TMC5: variants seen among roughly 807,000 people sequenced by gnomAD.
TMC5 encodes transmembrane channel like 5.
In TMC5, 86 loss-of-function variants were observed where a neutral mutation model predicts 110.5. The observed-to-expected ratio is 0.78, with a 90% CI of 0.65 to 0.93. The LOEUF is 0.93. TMC5 is among the 40% of genes least tolerant of loss of function. The pLI is 0.00. For missense variants in TMC5, 1,144 were observed against 1,222.8 expected (o/e 0.94, Z 0.96); for synonymous variants, 455 against 439.5 (o/e 1.04, Z -0.44).
chr16:19,431,006 G>A (rs1365587311), intron 2 of TMC5, among the ~76,000 whole-genome samples: 1 of 151,710 alleles, frequency 6.6e-6, no homozygotes, highest in African/African-American at 2.4e-5. Context: ...TTACAGGCAC[G>A]CGCCACAACA....
intron 13 of TMC5, 147 bp from the exon 14 acceptor site, chr16:19,479,284 G>C: frequency 1.4e-6 from 1 of 714,418 alleles, no homozygotes; most frequent in South Asian, 1.6e-5. Context: ...CATTTTTTCA[G>C]AGTGGGTCTA....
rs535903793 is a variant in TMC5, at chr16:19,462,134, C to A, written c.1149-1146C>A. Among the ~76,000 whole-genome samples the A allele has an allele frequency of 3.5e-4, 54 of 152,282 alleles. 2 individuals carry two copies. The South Asian group carries it at 0.011, about 32-fold the overall frequency. On this transcript the variant is annotated intron_variant, in intron 6 of 21. Coordinates refer to ENST00000542583, the MANE Select transcript of TMC5 (RefSeq NM_001261841.2). Reference sequence around the variant, plus strand: ...GACTGTGTCTTTCTGAAAACACTTCCATTTTGAACTCTGTATGGCTGCCTC... The same window carrying A: ...GACTGTGTCTTTCTGAAAACACTTCAATTTTGAACTCTGTATGGCTGCCTC...
chr16:19,449,210 T>A (rs1398980128), intron 4 of TMC5, among the ~76,000 whole-genome samples: 1 of 152,132 alleles, frequency 6.6e-6, no homozygotes, highest in African/African-American at 2.4e-5. Context: ...GGTCTTGAAC[T>A]TTTGGGCTCA....
At chr16:19,444,513 T>A (rs905288216) in intron 4 of TMC5, among the ~76,000 whole-genome samples, 2 of 152,132 alleles carry the variant, frequency 1.3e-5, no homozygotes, top group African/African-American at 4.8e-5. Context: ...TTGGTGAAGC[T>A]CAGTCCATGG....
chr16:19,451,947 C>T (rs1207778279), intron 5 of TMC5, among the ~76,000 whole-genome samples: 2 of 152,092 alleles, frequency 1.3e-5, no homozygotes, highest in East Asian at 3.9e-4. Flanking sequence ...TACAGGCATG[C>T]GCCACCACAC....
chr16:19,471,770 T>C (rs973536288), intron 10 of TMC5, among the ~76,000 whole-genome samples: 12 of 152,094 alleles, frequency 7.9e-5, no homozygotes, highest in African/African-American at 2.9e-4. Flanking sequence ...ATTTATTTAT[T>C]TGTTGTTTGA....
chr16:19,420,549 T>C (rs1966961423), intron 1 of TMC5, among the ~76,000 whole-genome samples: 1 of 152,104 alleles, frequency 6.6e-6, no homozygotes, highest in East Asian at 1.9e-4. Flanking sequence ...CAGCCTCAAC[T>C]CCCTTGTTTC....
At chr16:19,473,345 C>CAAAAAAAAAAAAAAAAAAAAA (rs35872301) in intron 11 of TMC5, among the ~76,000 whole-genome samples, 1 of 20,240 alleles carries the variant, frequency 4.9e-5, no homozygotes, top group Non-Finnish European at 1.3e-4. Context: ...GACTCCGGCT[C>CAAAAAAAAAAAAAAAAAAAAA]AAAAAAAAAA....
At chr16:19,475,706 T>G (rs1035178788) in intron 12 of TMC5, among the ~76,000 whole-genome samples, 7 of 152,144 alleles carry the variant, frequency 4.6e-5, no homozygotes, top group Non-Finnish European at 1.0e-4. Context: ...TTTTGCGTTC[T>G]TCAAACATCA....
chr16:19,470,507 TG>T (rs1968309886), intron 10 of TMC5, among the ~76,000 whole-genome samples: 1 of 152,068 alleles, frequency 6.6e-6, no homozygotes, highest in African/African-American at 2.4e-5. Context: ...CAGAGAAATC[TG>T]GCCCCTCAGG....
At chr16:19,471,792 A>C (rs1427522761) in intron 10 of TMC5, among the ~76,000 whole-genome samples, 1 of 151,532 alleles carries the variant, frequency 6.6e-6, no homozygotes, top group East Asian at 1.9e-4. Context: ...ACAGAGTCTC[A>C]CTCTGTCGCC....
intron 15 of TMC5, among the ~76,000 whole-genome samples, chr16:19,483,638 C>T (rs569312139): frequency 3.0e-4 from 45 of 152,028 alleles, no homozygotes; most frequent in African/African-American, 9.4e-4. Flanking sequence ...ATTAGCCAGG[C>T]GTGGTGGTGC....
chr16:19,462,549 G>T (rs765742665), intron 6 of TMC5: 6 of 702,032 alleles, frequency 8.5e-6, no homozygotes, highest in East Asian at 2.7e-5. Context: ...AAGAGCAAAG[G>T]CACATCTTAC....
intron 13 of TMC5, 33 bp from the exon 14 acceptor site, chr16:19,479,398 C>G: frequency 6.6e-7 from 1 of 1,520,370 alleles, no homozygotes; most frequent in Non-Finnish European, 9.1e-7. Flanking sequence ...GCCACAGCCC[C>G]TTCCCACATC....
intron 19 of TMC5, among the ~76,000 whole-genome samples, chr16:19,493,466 T>TCTCTCTTTC (rs563230178): frequency 0.016 from 1,986 of 124,468 alleles, 53 homozygotes; most frequent in African/African-American, 0.07. Context: ...TCTCTCTCTC[T>TCTCTCTTTC]TTTTTTTTTT....
Position 19,476,056 on chromosome 16 carries a change from T to C in TMC5, c.2091-1384T>C, listed in dbSNP as rs955239028. On this transcript the variant is annotated intron_variant, in intron 12 of 21. Coordinates refer to ENST00000542583, the MANE Select transcript of TMC5 (RefSeq NM_001261841.2). The stretch of plus-strand genomic sequence containing the variant: ...AGTTGATTATATCCAATTCATATTA[T>C]GAAAATTCCAGCCAGGTGCAGTGGC... Among the ~76,000 whole-genome samples the C allele has an allele frequency of 7.2e-5, 11 of 152,170 alleles. No homozygotes were observed. In the South Asian group the frequency reaches 2.3e-3, roughly 31 times the overall value.
chr16:19,476,301 CA>C (rs1315426375), intron 12 of TMC5, among the ~76,000 whole-genome samples: 1 of 151,950 alleles, frequency 6.6e-6, no homozygotes, highest in East Asian at 1.9e-4. Flanking sequence ...GAGCCATGAC[CA>C]CACCACTGCA....
intron 3 of TMC5, among the ~76,000 whole-genome samples, chr16:19,441,894 C>G (rs1005774636): frequency 1.3e-5 from 2 of 152,172 alleles, no homozygotes; most frequent in African/African-American, 4.8e-5. Flanking sequence ...GCCTCTGCCT[C>G]CCGGGTTCAA....
At chr16:19,494,129 G>A (rs907863379) in intron 19 of TMC5, 133 bp from the exon 20 acceptor site, 2 of 689,910 alleles carry the variant, frequency 2.9e-6, no homozygotes, top group Non-Finnish European at 5.0e-6. Flanking sequence ...AAAGATGGCA[G>A]TAACCTCCAT....
Sources: allele counts gnomAD v4.1 joint callset (sites outside exome capture counted in the v4.1 genomes callset), GRCh38; gene constraint gnomAD v4.1.1; transcripts MANE v1.5; gene names NCBI Gene and HGNC (gene_info 2026-07-23, HGNC 2026-07-21).